GPR158: variants seen among roughly 807,000 people sequenced by gnomAD.
GPR158 encodes G protein-coupled receptor 158.
GPR158 carries 30 observed loss-of-function variants against 78.2 expected under a neutral mutation model. The ratio of observed to expected loss-of-function variants is 0.38; its 90% CI spans 0.29 to 0.52. The LOEUF (loss-of-function observed/expected upper bound fraction) is 0.52, where lower values mean the gene tolerates loss of function less well. Ranked by LOEUF, GPR158 falls within the 20% of genes least tolerant of loss-of-function variation. The probability of loss-of-function intolerance (pLI) is 0.83; values close to 1 mark genes in which losing one functional copy is unlikely to be tolerated. For missense variants in GPR158, 1,463 were observed against 1,523.5 expected, an observed-to-expected ratio of 0.96 and a Z score of 0.66; for synonymous variants, 581 against 591.1, an observed-to-expected ratio of 0.98 and a Z score of 0.25.
chr10:25,389,463 T>G (rs1264798887), intron 2 of GPR158, among the ~76,000 whole-genome samples: 1 of 152,192 alleles, frequency 6.6e-6, no homozygotes, highest in East Asian at 1.9e-4. Flanking sequence ...GAACACTCGT[T>G]GGAACACTCT....
At chr10:25,581,136 G>C (rs1462904836) in intron 7 of GPR158, among the ~76,000 whole-genome samples, 1 of 151,590 alleles carries the variant, frequency 6.6e-6, no homozygotes, top group East Asian at 1.9e-4. Context: ...CACCTTGTTA[G>C]CCAGGATGGT....
At chr10:25,220,486 A>G (rs1853283723) in intron 1 of GPR158, among the ~76,000 whole-genome samples, 1 of 152,226 alleles carries the variant, frequency 6.6e-6, no homozygotes, top group Non-Finnish European at 1.5e-5. Flanking sequence ...AGAAAAAAGA[A>G]TGTAGTCATC....
At chr10:25,285,537 T>G (rs1854339049) in intron 2 of GPR158, among the ~76,000 whole-genome samples, 1 of 152,148 alleles carries the variant, frequency 6.6e-6, no homozygotes, top group Admixed American at 6.5e-5. Context: ...CTGGGGAACT[T>G]GGAGTTATCC....
chr10:25,207,221 C>A (rs1331212948), intron 1 of GPR158, among the ~76,000 whole-genome samples: 1 of 152,106 alleles, frequency 6.6e-6, no homozygotes, highest in Middle Eastern at 3.2e-3. Context: ...TTGGCATATC[C>A]AGCAAGACCA....
intron 2 of GPR158, among the ~76,000 whole-genome samples, chr10:25,371,474 A>T (rs10734058): frequency 0.8 from 120,973 of 150,864 alleles, 49,490 homozygotes; most frequent in Non-Finnish European, 0.86. Flanking sequence ...GGCTACAGTA[A>T]CCAAAACAGC....
intron 5 of GPR158, among the ~76,000 whole-genome samples, chr10:25,476,517 T>G (rs1048975877): frequency 1.3e-5 from 1 of 78,618 alleles, no homozygotes; most frequent in African/African-American, 5.5e-5. Context: ...CCCGGTCTTA[T>G]AAGAAGAATT....
chr10:25,359,004 GT>G (rs60537890), intron 2 of GPR158, among the ~76,000 whole-genome samples: 15,107 of 150,330 alleles, frequency 0.1, 1,865 homozygotes, highest in African/African-American at 0.3. Flanking sequence ...CAAGTATTCT[GT>G]TTTTTTTTGT....
chr10:25,467,124 A>G (rs1179781884), intron 5 of GPR158, among the ~76,000 whole-genome samples: 5 of 152,156 alleles, frequency 3.3e-5, no homozygotes, highest in Non-Finnish European at 7.4e-5. Flanking sequence ...TTGGTCCAGA[A>G]AGGCAGGACA....
intron 2 of GPR158, among the ~76,000 whole-genome samples, chr10:25,347,499 C>T (rs182519473): frequency 5.3e-5 from 8 of 152,068 alleles, no homozygotes; most frequent in South Asian, 4.1e-4. Context: ...GGCCTACTAC[C>T]ATGCCTAATA....
intron 2 of GPR158, among the ~76,000 whole-genome samples, chr10:25,263,113 AG>A (rs1853991542): frequency 6.6e-6 from 1 of 152,210 alleles, no homozygotes; most frequent in South Asian, 2.1e-4. Flanking sequence ...GTATCTAAAA[AG>A]TACTTGCCAT....
intron 1 of GPR158, among the ~76,000 whole-genome samples, chr10:25,198,031 ACAG>A (rs1211450907): frequency 1.3e-5 from 2 of 152,176 alleles, no homozygotes; most frequent in Non-Finnish European, 2.9e-5. Flanking sequence ...TTTGCAAAAA[ACAG>A]CAGACTCAAG....
At chr10:25,434,075 C>T (rs548653050) in intron 4 of GPR158, among the ~76,000 whole-genome samples, 7 of 152,040 alleles carry the variant, frequency 4.6e-5, no homozygotes, top group Admixed American at 2.6e-4. Flanking sequence ...AGGAGAATGG[C>T]GGCGTGAACC....
At chr10:25,360,916 T>C (rs997866341) in intron 2 of GPR158, among the ~76,000 whole-genome samples, 2 of 152,074 alleles carry the variant, frequency 1.3e-5, no homozygotes, top group African/African-American at 4.8e-5. Flanking sequence ...TTTTCATTTG[T>C]TTGTGTCCTC....
At chr10:25,380,659 T>G (rs1834142119) in intron 2 of GPR158, among the ~76,000 whole-genome samples, 1 of 152,180 alleles carries the variant, frequency 6.6e-6, no homozygotes, top group Admixed American at 6.5e-5. Context: ...ATTTTTATTA[T>G]TTTAACTTTT....
intron 2 of GPR158, among the ~76,000 whole-genome samples, chr10:25,251,448 G>T (rs1008230305): frequency 4.6e-5 from 7 of 151,862 alleles, no homozygotes; most frequent in African/African-American, 1.7e-4. Context: ...GCAGCGGCTG[G>T]TACTGGTTGT....
chr10:25,195,242 G>C (rs1342848521), intron 1 of GPR158, among the ~76,000 whole-genome samples: 1 of 150,394 alleles, frequency 6.6e-6, no homozygotes, highest in Non-Finnish European at 1.5e-5. Flanking sequence ...ATCTCACTCT[G>C]TCACCCAGGC....
At chr10:25,403,823 A>G (rs1213785922) in intron 3 of GPR158, among the ~76,000 whole-genome samples, 1 of 152,038 alleles carries the variant, frequency 6.6e-6, no homozygotes, top group Non-Finnish European at 1.5e-5. Flanking sequence ...ATTATTTTCA[A>G]CTAAGCATCT....
intron 5 of GPR158, among the ~76,000 whole-genome samples, chr10:25,474,871 C>T (rs895884035): frequency 2.6e-5 from 4 of 152,088 alleles, no homozygotes; most frequent in Admixed American, 2.6e-4. Context: ...AATGAGGGCC[C>T]TTATTTATAT....
intron 2 of GPR158, among the ~76,000 whole-genome samples, chr10:25,347,694 C>G (rs1314270012): frequency 6.6e-6 from 1 of 152,008 alleles, no homozygotes; most frequent in Non-Finnish European, 1.5e-5. Flanking sequence ...TTTAATAATT[C>G]ATTCATTCCT....
Sources: allele counts gnomAD v4.1 joint callset (sites outside exome capture counted in the v4.1 genomes callset), GRCh38; gene constraint gnomAD v4.1.1; transcripts MANE v1.5; gene names NCBI Gene and HGNC (gene_info 2026-07-23, HGNC 2026-07-21).